NRXN3: variants seen among roughly 807,000 people sequenced by gnomAD.
NRXN3 encodes neurexin 3.
NRXN3 carries 32 observed loss-of-function variants against 137.6 expected under a neutral mutation model. The ratio of observed to expected loss-of-function variants is 0.23; its 90% confidence interval spans 0.18 to 0.31. The LOEUF (loss-of-function observed/expected upper bound fraction) is 0.31, where lower values mean the gene tolerates loss of function less well. Ranked by LOEUF, NRXN3 falls within the 10% of genes least tolerant of loss-of-function variation. NRXN3 has a pLI of 1.00. For synonymous variants in NRXN3, 798 were observed against 784.5 expected, an observed-to-expected ratio of 1.02 and a Z score of -0.29; for missense variants, 1,574 against 2,062.5, an observed-to-expected ratio of 0.76 and a Z score of 4.59.
At chr14:78,670,386 A>G (rs944043436) in intron 6 of NRXN3, among the ~76,000 whole-genome samples, 2 of 152,102 alleles carry the variant, frequency 1.3e-5, no homozygotes, top group Non-Finnish European at 2.9e-5. Flanking sequence ...CGGCTTCTTT[A>G]CCACATTCTG....
intron 4 of NRXN3, among the ~76,000 whole-genome samples, chr14:78,469,170 A>G (rs4903765): frequency 1 from 151,724 of 152,250 alleles, 75,603 homozygotes; most frequent in Middle Eastern, 1. Context: ...TCTGGGTAGA[A>G]GGCCTGGTAT....
intron 20 of NRXN3, among the ~76,000 whole-genome samples, chr14:79,830,760 C>A (rs2099320761): frequency 6.6e-6 from 1 of 152,166 alleles, no homozygotes; most frequent in African/African-American, 2.4e-5. Flanking sequence ...TCACAATGGA[C>A]TAAACTACCT....
chr14:78,738,337 G>T (rs560250230), intron 8 of NRXN3, among the ~76,000 whole-genome samples: 1 of 152,130 alleles, frequency 6.6e-6, no homozygotes, highest in East Asian at 1.9e-4. Context: ...ACTCAAACCT[G>T]GTCCCCAAAG....
chr14:79,753,084 G>A (rs1287845991), intron 19 of NRXN3, among the ~76,000 whole-genome samples: 2 of 151,552 alleles, frequency 1.3e-5, no homozygotes. Context: ...GTGCTGGAGA[G>A]GATGTGGAGA....
intron 14 of NRXN3, among the ~76,000 whole-genome samples, chr14:78,986,766 T>C (rs1344217718): frequency 1.3e-5 from 2 of 152,196 alleles, no homozygotes; most frequent in Non-Finnish European, 2.9e-5. Context: ...TTCACACCTG[T>C]AATCCCAGCA....
chr14:78,825,095 C>T (rs1163993800), intron 10 of NRXN3, among the ~76,000 whole-genome samples: 1 of 150,862 alleles, frequency 6.6e-6, no homozygotes, highest in East Asian at 2.0e-4. Flanking sequence ...GTCTTACCCA[C>T]CCTGGATAGA....
chr14:78,276,529 A>G (rs2073620374), intron 2 of NRXN3, among the ~76,000 whole-genome samples: 1 of 152,332 alleles, frequency 6.6e-6, no homozygotes, highest in East Asian at 1.9e-4. Flanking sequence ...CTTTACAAGC[A>G]TTTAATCTCA....
chr14:79,399,718 C>G (rs2095135231), intron 15 of NRXN3, among the ~76,000 whole-genome samples: 1 of 152,186 alleles, frequency 6.6e-6, no homozygotes, highest in South Asian at 2.1e-4. Context: ...AATATGACCA[C>G]TTACATTAAT....
At chr14:78,934,295 G>T (rs52897) in intron 10 of NRXN3, among the ~76,000 whole-genome samples, 26,699 of 151,678 alleles carry the variant, frequency 0.18, 3,388 homozygotes, top group East Asian at 0.39. Flanking sequence ...TGAGGTATTT[G>T]TAAACACGAG....
intron 10 of NRXN3, among the ~76,000 whole-genome samples, chr14:78,813,387 G>C (rs1374919557): frequency 6.6e-6 from 1 of 152,152 alleles, no homozygotes; most frequent in Non-Finnish European, 1.5e-5. Flanking sequence ...ACTCTTATCT[G>C]ATTTTCAACT....
In NRXN3 at chr14:79,178,984, A is replaced by G. The variant is rs191630222; in HGVS notation, c.3262+190843A>G. ...AAGTCTTCTGGCTTTTCTTTCTACTAGAGGGAAGGCTTTCTCTCAGCAGCT... is the reference window on the plus strand; with the variant it reads ...AAGTCTTCTGGCTTTTCTTTCTACTGGAGGGAAGGCTTTCTCTCAGCAGCT... On this transcript the variant is annotated intron_variant, in intron 15 of 20. Coordinates refer to ENST00000335750, the MANE Select transcript of NRXN3 (RefSeq NM_001330195.2). Among the ~76,000 whole-genome samples, 7 of 152,254 alleles carry G rather than the reference A, an allele frequency of 4.6e-5. No homozygotes were observed. The East Asian group carries it at 1.4e-3, about 29-fold the overall frequency.
chr14:79,786,576 A>T (rs1309440183), intron 19 of NRXN3, among the ~76,000 whole-genome samples: 1 of 152,226 alleles, frequency 6.6e-6, no homozygotes, highest in Admixed American at 6.5e-5. Context: ...AAGCATATTT[A>T]TTCTGCATTT....
At chr14:78,379,838 T>C (rs1224257107) in intron 4 of NRXN3, among the ~76,000 whole-genome samples, 3 of 152,048 alleles carry the variant, frequency 2.0e-5, no homozygotes, top group African/African-American at 7.2e-5. Context: ...GACAGAGAAA[T>C]CCCAAGAAAT....
intron 15 of NRXN3, among the ~76,000 whole-genome samples, chr14:79,041,761 C>G (rs1029180794): frequency 2.0e-4 from 31 of 152,126 alleles, no homozygotes; most frequent in Admixed American, 9.2e-4. Context: ...GTCACTTCAT[C>G]AACTTCACAA....
intron 14 of NRXN3, among the ~76,000 whole-genome samples, chr14:78,984,723 T>C (rs1482406909): frequency 6.6e-6 from 1 of 152,136 alleles, no homozygotes; most frequent in South Asian, 2.1e-4. Context: ...CCTTAAAGTG[T>C]TTTTCTCATA....
At chr14:78,259,529 T>C (rs1020014646) in intron 2 of NRXN3, among the ~76,000 whole-genome samples, 1 of 152,110 alleles carries the variant, frequency 6.6e-6, no homozygotes, top group Non-Finnish European at 1.5e-5. Flanking sequence ...CTACCTCTGG[T>C]CTCTGTGGGC....
At chr14:78,917,401 TC>T (rs1664123865) in intron 10 of NRXN3, among the ~76,000 whole-genome samples, 1 of 152,142 alleles carries the variant, frequency 6.6e-6, no homozygotes, top group African/African-American at 2.4e-5. Flanking sequence ...GTGCAACAAA[TC>T]CTATGATAGG....
Position 78,808,039 on chromosome 14 carries a change from A to G in NRXN3, c.2249-2279A>G, listed in dbSNP as rs576567919. Among the ~76,000 whole-genome samples the G allele has an allele frequency of 4.6e-5, 7 of 152,074 alleles. No individual in the cohort carries two copies. In the South Asian group the frequency reaches 1.2e-3, roughly 27 times the overall value. On this transcript the variant is annotated intron_variant, in intron 9 of 20. Transcript: ENST00000335750. ...TGTGCGTGTGTCTATATACACACGC[A>G]CACACACACATATTTATACATATAT...
intron 16 of NRXN3, among the ~76,000 whole-genome samples, chr14:79,504,637 T>TATATATATATATATATATA (rs2096855249): frequency 3.3e-5 from 2 of 61,532 alleles, no homozygotes; most frequent in African/African-American, 1.0e-4. Context: ...TAAAATGAAG[T>TATATATATATATATATATA]TTTTTATATA....
Sources: allele counts gnomAD v4.1 joint callset (sites outside exome capture counted in the v4.1 genomes callset), GRCh38; gene constraint gnomAD v4.1.1; transcripts MANE v1.5; gene names NCBI Gene and HGNC (gene_info 2026-07-23, HGNC 2026-07-21).